APBB2: variants seen among roughly 807,000 people sequenced by gnomAD.
The protein encoded by APBB2 is Fe65-like 1.
Under a neutral mutation model 82.5 loss-of-function variants are expected in APBB2, and 38 were observed. The ratio of observed to expected loss-of-function variants is 0.46; its 90% CI spans 0.36 to 0.60. The LOEUF (loss-of-function observed/expected upper bound fraction) is 0.60, where lower values mean the gene tolerates loss of function less well. Ranked by LOEUF, APBB2 falls within the 20% of genes least tolerant of loss-of-function variation. The pLI is 0.00. For synonymous variants in APBB2, 341 were observed against 368.2 expected, an observed-to-expected ratio of 0.93 and a Z score of 0.85; for missense variants, 772 against 972.3, an observed-to-expected ratio of 0.79 and a Z score of 2.74.
rs182311557 is a variant in APBB2, at chr4:40,857,289, C to A, written c.1530-26712G>T. The A allele has an allele frequency of 1.5e-3, 793 of 521,758 alleles. 5 individuals carry two copies. Among genetic ancestry groups the A allele is most frequent in the African/African-American group, 0.014 (687 of 48,468 alleles). The allele number at this position is 521,758 out of a possible 1,614,324, so 32.3% of individuals were successfully genotyped here. On this transcript the variant is annotated intron_variant, in intron 12 of 17. Transcript: ENST00000508593. The stretch of plus-strand genomic sequence containing the variant: ...GTGAAGTGCTCCCGCTAGGTGCTCC[C>A]GCCAGATGCTCCAGCTGCTAGGGGA...
chr4:41,009,626 C>T (rs76246542), intron 6 of APBB2, among the ~76,000 whole-genome samples: 5,192 of 152,232 alleles, frequency 0.034, 129 homozygotes, highest in Middle Eastern at 0.071. Context: ...GTGCAGTCTA[C>T]GATCCAAAGA....
chr4:40,844,328 C>T (rs907190912), intron 12 of APBB2, among the ~76,000 whole-genome samples: 2 of 152,202 alleles, frequency 1.3e-5, no homozygotes, highest in African/African-American at 2.4e-5. Context: ...GACACCTGCT[C>T]ATGCTCATAA....
At chr4:41,017,238 G>C (rs1253805051) in intron 5 of APBB2, among the ~76,000 whole-genome samples, 1 of 152,158 alleles carries the variant, frequency 6.6e-6, no homozygotes, top group Non-Finnish European at 1.5e-5. Flanking sequence ...AACACAGTTT[G>C]AGTAATATCT....
intron 12 of APBB2, among the ~76,000 whole-genome samples, chr4:40,859,671 C>T (rs1762290212): frequency 6.6e-6 from 1 of 152,224 alleles, no homozygotes; most frequent in Non-Finnish European, 1.5e-5. Context: ...TAAAACCACA[C>T]AGTGGCTTCC....
chr4:41,119,009 C>T (rs1221717222), intron 2 of APBB2, among the ~76,000 whole-genome samples: 5 of 152,182 alleles, frequency 3.3e-5, no homozygotes, highest in Non-Finnish European at 5.9e-5. Context: ...CGTTGTAGTG[C>T]GCACCTGTGG....
chr4:40,933,513 A>G (rs1423701096), intron 10 of APBB2, among the ~76,000 whole-genome samples: 1 of 152,186 alleles, frequency 6.6e-6, no homozygotes, highest in Non-Finnish European at 1.5e-5. Flanking sequence ...TGTGGAACAC[A>G]CAGCAGTGTT....
chr4:41,067,199 C>T (rs1047507514), intron 3 of APBB2, among the ~76,000 whole-genome samples: 8 of 152,200 alleles, frequency 5.3e-5, no homozygotes, highest in Admixed American at 1.3e-4. Context: ...CACCTGAGGT[C>T]GGGAGTTCGG....
At chr4:40,888,892 T>A (rs1487427176) in intron 12 of APBB2, among the ~76,000 whole-genome samples, 1 of 152,254 alleles carries the variant, frequency 6.6e-6, no homozygotes, top group East Asian at 1.9e-4. Flanking sequence ...AAAAACAAAC[T>A]TGGAGGACAG....
chr4:41,191,577 A>G (rs1259824979), intron 1 of APBB2, among the ~76,000 whole-genome samples: 1 of 152,168 alleles, frequency 6.6e-6, no homozygotes, highest in Non-Finnish European at 1.5e-5. Flanking sequence ...ACACAAAAGG[A>G]CAAAACTGGA....
At chr4:40,833,377 C>T (rs1271088820) in intron 12 of APBB2, among the ~76,000 whole-genome samples, 3 of 152,292 alleles carry the variant, frequency 2.0e-5, no homozygotes, top group South Asian at 2.1e-4. Context: ...TCTTGGTGTC[C>T]GCTCGTAGTG....
At chr4:40,873,261 A>G (rs565087691) in intron 12 of APBB2, among the ~76,000 whole-genome samples, 64 of 152,132 alleles carry the variant, frequency 4.2e-4, no homozygotes, top group Non-Finnish European at 6.2e-4. Flanking sequence ...CTTAAGATCT[A>G]TATCTCCTCT....
chr4:41,133,416 A>G (rs182267060), intron 2 of APBB2, among the ~76,000 whole-genome samples: 68 of 152,298 alleles, frequency 4.5e-4, no homozygotes, highest in Admixed American at 9.8e-4. Flanking sequence ...CTGTGCCTCA[A>G]ACTGCATCTC....
At chr4:41,167,529 A>T (rs1766988979) in intron 1 of APBB2, among the ~76,000 whole-genome samples, 1 of 151,898 alleles carries the variant, frequency 6.6e-6, no homozygotes. Context: ...CCAAATGTTA[A>T]TTTTTTTTTA....
chr4:41,052,304 G>A (rs1726283703), intron 4 of APBB2, among the ~76,000 whole-genome samples: 1 of 151,998 alleles, frequency 6.6e-6, no homozygotes, highest in Admixed American at 6.6e-5. Context: ...TGTCCCAAAT[G>A]GGTCAAACTA....
chr4:41,095,740 A>G (rs1161906271), intron 3 of APBB2, among the ~76,000 whole-genome samples: 1 of 152,148 alleles, frequency 6.6e-6, no homozygotes, highest in African/African-American at 2.4e-5. Flanking sequence ...CAATCTACAC[A>G]ACCTCACATG....
intron 12 of APBB2, among the ~76,000 whole-genome samples, chr4:40,838,403 T>G (rs1002954384): frequency 6.8e-6 from 1 of 146,424 alleles, no homozygotes; most frequent in Non-Finnish European, 1.5e-5. Flanking sequence ...TGGTGTGATC[T>G]CGACTCACTG....
In APBB2 at chr4:41,013,823, T is replaced by C; in HGVS notation, c.595A>G (p.Thr199Ala). Residue 199 changes from threonine (T) to alanine (A), a missense_variant, in exon 6 of 18, where the codon ACC becomes GCC. Coordinates refer to ENST00000508593, the MANE Select transcript of APBB2 (RefSeq NM_004307.2). Reference sequence around the variant, plus strand: ...AGCAAATCGCCATTCCCAATGATGGTGGAGGCCTGGCCCTGGACTGGCTGG... The same window carrying C: ...AGCAAATCGCCATTCCCAATGATGGCGGAGGCCTGGCCCTGGACTGGCTGG... ...KSQPVQGQAS[T>A]IIGNGDLLLQ... 6.2e-7 allele frequency: 1 copy of C among 1,614,194 alleles called. No homozygotes were observed. The highest frequency in any genetic ancestry group is 8.5e-7 in the Non-Finnish European group (1 of 1,180,028).
chr4:40,890,532 G>A (rs368221986), intron 11 of APBB2, 41 bp from the exon 12 acceptor site: 88 of 1,609,604 alleles, frequency 5.5e-5, no homozygotes, highest in Non-Finnish European at 7.1e-5. Context: ...CTTCATGCAG[G>A]CTGGAAAGCC....
At chr4:41,029,219 A>G (rs1715721649) in intron 5 of APBB2, among the ~76,000 whole-genome samples, 1 of 152,238 alleles carries the variant, frequency 6.6e-6, no homozygotes, top group Non-Finnish European at 1.5e-5. Flanking sequence ...ACTAGATTAC[A>G]AAATATTAAG....
Sources: gnomAD v4.1 joint callset for allele counts (sites outside exome capture counted in the v4.1 genomes callset) on GRCh38, gnomAD v4.1.1 for gene constraint, MANE v1.5 for transcripts, NCBI Gene and HGNC (gene_info 2026-07-23, HGNC 2026-07-21) for gene names.